The following MRPL40 variants were observed in gnomAD, a reference collection of about 807,000 sequenced individuals.
MRPL40 encodes the protein large ribosomal subunit protein mL40.
Under a neutral mutation model 24.5 loss-of-function variants are expected in MRPL40, and 18 were observed. That is an observed-to-expected ratio of 0.73 (90% CI 0.51 to 1.09). The LOEUF (loss-of-function observed/expected upper bound fraction) is 1.09, where lower values mean the gene tolerates loss of function less well. Ranked by LOEUF, MRPL40 falls within the 50% of genes least tolerant of loss-of-function variation. The probability of loss-of-function intolerance (pLI) is 0.00; values close to 1 mark genes in which losing one functional copy is unlikely to be tolerated. For synonymous variants in MRPL40, 108 were observed against 94.6 expected (o/e 1.14, Z -0.82); for missense variants, 256 against 243.8 (o/e 1.05, Z -0.33).
At chr22:19,435,481 T>G (rs2089581159) in intron 3 of MRPL40, 157 bp from the exon 4 acceptor site, 1 of 213,198 alleles carries the variant, frequency 4.7e-6, no homozygotes, top group African/African-American at 2.3e-5. Context: ...AAGCATCAGT[T>G]GCAGCTGCAG....
intron 1 of MRPL40, 88 bp from the exon 2 acceptor site, chr22:19,433,177 G>C: frequency 1.2e-6 from 1 of 847,294 alleles, no homozygotes; most frequent in Non-Finnish European, 2.0e-6. Context: ...CACCCGCCTC[G>C]GCCTCCCAAA....
Position 19,434,851 on chromosome 22 carries a change from A to T in MRPL40, c.253A>T (p.Ile85Phe). Residue 85 changes from isoleucine (I) to phenylalanine (F), a missense_variant, in exon 3 of 4, where the codon ATT (isoleucine) becomes TTT (phenylalanine). By Grantham distance (21) the Ile-to-Phe change is conservative. Transcript: ENST00000333130. Reference sequence around the variant, plus strand: ...AAAGGCTACTCAAGAGCTAATTCCTATTGAAGATTTTATTACCCCTCTAAA... The same window carrying T: ...AAAGGCTACTCAAGAGCTAATTCCTTTTGAAGATTTTATTACCCCTCTAAA... Reference protein sequence around the residue: ...LEKATQELIPIEDFITPLKFL... With the variant: ...LEKATQELIPFEDFITPLKFL... 1.2e-6 allele frequency: 2 copies of T among 1,607,516 alleles called. No homozygotes were observed. Among genetic ancestry groups the T allele is most frequent in the Non-Finnish European group, 1.7e-6 (2 of 1,178,418 alleles).
intron 2 of MRPL40, 102 bp downstream of exon 2, chr22:19,433,450 C>A: frequency 1.5e-6 from 1 of 662,704 alleles, no homozygotes; most frequent in South Asian, 1.6e-5. Flanking sequence ...AAATTAACAG[C>A]CTACAAAGTT....
At chr22:19,434,216 CTTTTTTTTTTT>C (rs35856980) in intron 2 of MRPL40, among the ~76,000 whole-genome samples, 6 of 85,302 alleles carry the variant, frequency 7.0e-5, no homozygotes, top group Admixed American at 1.4e-4. Flanking sequence ...TGCTTTTGTA[CTTTTTTTTTTT>C]TTTTTTTTTT....
At chr22:19,435,037 T>C (rs1378966735) in intron 3 of MRPL40, 143 bp downstream of exon 3, 8 of 696,636 alleles carry the variant, frequency 1.1e-5, no homozygotes, top group African/African-American at 1.8e-5. Context: ...CTTGCTCCTT[T>C]TGGAAGCAGG....
At chr22:19,434,330 C>G (rs931673036) in intron 2 of MRPL40, among the ~76,000 whole-genome samples, 3 of 146,606 alleles carry the variant, frequency 2.0e-5, no homozygotes, top group Non-Finnish European at 4.5e-5. Flanking sequence ...TCAAGTGATT[C>G]TCCTGCCTCA....
At chr22:19,434,216 CTTTTTTT>C (rs35856980) in intron 2 of MRPL40, among the ~76,000 whole-genome samples, 15 of 85,294 alleles carry the variant, frequency 1.8e-4, no homozygotes, top group African/African-American at 6.6e-4. Context: ...TGCTTTTGTA[CTTTTTTT>C]TTTTTTTTTT....
rs2089586766 is a variant in MRPL40, at chr22:19,436,046, T to A, written c.*84T>A. The stretch of plus-strand genomic sequence containing the variant: ...AGTCTGCTTTCCACAGAATCAGGCA[T>A]GCTGTTAATAAATACTGGTTTAATC... On this transcript the variant is annotated 3_prime_UTR_variant, in exon 4 of 4. Coordinates refer to ENST00000333130, the MANE Select transcript of MRPL40 (RefSeq NM_003776.4). 2 of 1,169,650 alleles carry A rather than the reference T, an allele frequency of 1.7e-6. No individual in the cohort carries two copies. Among genetic ancestry groups the A allele is most frequent in the Non-Finnish European group, 2.4e-6 (2 of 817,754 alleles). The allele number at this position is 1,169,650 out of a possible 1,614,324, so 72.5% of individuals were successfully genotyped here. A position where few individuals can be genotyped will look rare whatever the true frequency, so the allele number is the denominator to read the frequency against.
intron 1 of MRPL40, 80 bp downstream of exon 1, chr22:19,432,687 G>T: frequency 6.8e-7 from 1 of 1,474,716 alleles, no homozygotes; most frequent in Non-Finnish European, 9.0e-7. Flanking sequence ...GGACTCGCCT[G>T]TGCTCCCTGC....
rs1004142207 is a variant in MRPL40, at chr22:19,432,684, C to A, written c.53+77C>A. The A allele has an allele frequency of 5.4e-6, 8 of 1,474,800 alleles. No homozygotes were observed. In the African/African-American group the frequency reaches 1.0e-4, roughly 19 times the overall value. 91.4% of individuals were successfully genotyped at this position (1,474,800 alleles called of 1,614,324 possible). A position where few individuals can be genotyped will look rare whatever the true frequency, so the allele number is the denominator to read the frequency against. ...CTTCGCGACTGTCCGCCAGGACTCG[C>A]CTGTGCTCCCTGCTCGCCTCCCAGT... is the stretch of plus-strand genomic sequence containing the variant. On this transcript the variant is annotated intron_variant, in intron 1 of 3. Transcript: ENST00000333130.
At chr22:19,435,576 G>T (rs1282136227) in intron 3 of MRPL40, 62 bp from the exon 4 acceptor site, 2 of 1,441,766 alleles carry the variant, frequency 1.4e-6, no homozygotes, top group Non-Finnish European at 1.9e-6. Flanking sequence ...GGGAATACTT[G>T]TGTCAGTTGC....
chr22:19,434,675 GTC>G (rs1441160017), intron 2 of MRPL40, 59 bp from the exon 3 acceptor site: 38 of 1,398,878 alleles, frequency 2.7e-5, no homozygotes, highest in Non-Finnish European at 3.6e-5. Context: ...TTACCATCTT[GTC>G]TCTCAGTAGG....
chr22:19,434,141 A>T (rs2089570441), intron 2 of MRPL40, among the ~76,000 whole-genome samples: 1 of 151,798 alleles, frequency 6.6e-6, no homozygotes, highest in Non-Finnish European at 1.5e-5. Flanking sequence ...TGTAATCCCA[A>T]GGCACACCTG....
chr22:19,434,734 A>G lies in MRPL40; in HGVS notation c.138-2A>G. ...ATGTTTAATATTTGCTTTATCTATTAGATCAGAACCTCTTCGAAAAAAGAA... is the reference window on the plus strand; with the variant it reads ...ATGTTTAATATTTGCTTTATCTATTGGATCAGAACCTCTTCGAAAAAAGAA... On this transcript the variant is annotated splice_acceptor_variant, in intron 2 of 3. Coordinates refer to ENST00000333130, the MANE Select transcript of MRPL40 (RefSeq NM_003776.4). LOFTEE classifies it high-confidence loss of function. The G allele has an allele frequency of 5.7e-6, 9 of 1,579,070 alleles. No individual in the cohort carries two copies. The highest frequency in any genetic ancestry group is 7.7e-6 in the Non-Finnish European group (9 of 1,170,278).
In MRPL40 at chr22:19,435,969, AGGCT is replaced by A; in HGVS notation, c.*9_*12del. Reference sequence around the variant, plus strand: ...AGTGGAGTTTAAGAGATAGACTTGCAGGCTGCTATCCTTAACATGCTGCCCCTGA... The same window carrying A: ...AGTGGAGTTTAAGAGATAGACTTGCAGCTATCCTTAACATGCTGCCCCTGA... On this transcript the variant is annotated 3_prime_UTR_variant, in exon 4 of 4. Coordinates refer to ENST00000333130, the MANE Select transcript of MRPL40 (RefSeq NM_003776.4). 6.2e-7 allele frequency: 1 copy of A among 1,606,896 alleles called. No individual in the cohort carries two copies. The highest frequency in any genetic ancestry group is 1.1e-5 in the South Asian group (1 of 90,270).
chr22:19,435,416 A>T (rs1288826092), intron 3 of MRPL40, among the ~76,000 whole-genome samples: 1 of 152,230 alleles, frequency 6.6e-6, no homozygotes, highest in Non-Finnish European at 1.5e-5. Flanking sequence ...AGGAAGTGCT[A>T]CCAGTCTCCT....
chr22:19,433,558 GAAGT>G (rs925446757), intron 2 of MRPL40, among the ~76,000 whole-genome samples: 2 of 152,190 alleles, frequency 1.3e-5, no homozygotes. Context: ...AGTTTCTCAA[GAAGT>G]AAGTATTCTC....
chr22:19,434,769 T>C lies in MRPL40; in HGVS notation c.171T>C (p.Asp57=). 6.2e-7 allele frequency: 1 copy of C among 1,604,732 alleles called. No individual in the cohort carries two copies. Among genetic ancestry groups the C allele is most frequent in the Non-Finnish European group, 8.5e-7 (1 of 1,177,716 alleles). Reference sequence around the variant, plus strand: ...CTCTTCGAAAAAAGAAGAAGGTAGATCCTAAAAAAGACCAAGAAGCAAAGG... The same window carrying C: ...CTCTTCGAAAAAAGAAGAAGGTAGACCCTAAAAAAGACCAAGAAGCAAAGG... ...SEPLRKKKKV[D]PKKDQEAKER... Residue 57 remains aspartate, a synonymous_variant, in exon 3 of 4, where the codon GAT becomes GAC. Coordinates refer to ENST00000333130, the MANE Select transcript of MRPL40 (RefSeq NM_003776.4).
At position 19,435,996 on chromosome 22, in the gene MRPL40, T is replaced by C. The variant is rs1211448401; in HGVS notation, c.*34T>C. ...GCTGCTATCCTTAACATGCTGCCCCTGAGAGTAGGAATGACCAGGGTTCAA... is the reference window on the plus strand; with the variant it reads ...GCTGCTATCCTTAACATGCTGCCCCCGAGAGTAGGAATGACCAGGGTTCAA... On this transcript the variant is annotated 3_prime_UTR_variant, in exon 4 of 4. Coordinates refer to ENST00000333130, the MANE Select transcript of MRPL40 (RefSeq NM_003776.4). 21 of 1,552,414 alleles carry C rather than the reference T, an allele frequency of 1.4e-5. No individual in the cohort carries two copies. Among genetic ancestry groups the C allele is most frequent in the Non-Finnish European group, 1.7e-5 (19 of 1,133,432 alleles).
Sources: gnomAD v4.1 joint callset for allele counts (sites outside exome capture counted in the v4.1 genomes callset) on GRCh38, gnomAD v4.1.1 for gene constraint, MANE v1.5 for transcripts, NCBI Gene and HGNC (gene_info 2026-07-23, HGNC 2026-07-21) for gene names.